The following MYH11 variants were observed in gnomAD, a reference collection of about 807,000 sequenced individuals.
MYH11 encodes the protein myosin heavy chain 11.
In MYH11, 80 loss-of-function variants were observed where a neutral mutation model predicts 246.6. The ratio of observed to expected loss-of-function variants is 0.32; its 90% CI spans 0.27 to 0.39. The LOEUF (loss-of-function observed/expected upper bound fraction) is 0.39. Among genes scored for constraint, MYH11 ranks in the 10% least tolerant of loss-of-function variants. The probability of loss-of-function intolerance (pLI) is 1.00; values close to 1 mark genes in which losing one functional copy is unlikely to be tolerated. For synonymous variants in MYH11, 1,071 were observed against 1,015.5 expected, an observed-to-expected ratio of 1.05 and a Z score of -1.04; for missense variants, 2,158 against 2,546.8, an observed-to-expected ratio of 0.85 and a Z score of 3.29.
intron 5 of MYH11, 165 bp from the exon 6 acceptor site, chr16:15,782,642 T>C: frequency 4.7e-6 from 3 of 639,096 alleles, no homozygotes; most frequent in Non-Finnish European, 8.5e-6. Context: ...CAGGAGGATT[T>C]CAGAAGAGAA....
intron 16 of MYH11, 58 bp from the exon 17 acceptor site, chr16:15,748,226 G>T: frequency 1.9e-6 from 3 of 1,607,992 alleles, no homozygotes; most frequent in Non-Finnish European, 1.7e-6. Context: ...GCGCAGCAAA[G>T]CCCCAAACCT....
At chr16:15,798,337 G>A (rs892902191) in intron 4 of MYH11, among the ~76,000 whole-genome samples, 1 of 152,136 alleles carries the variant, frequency 6.6e-6, no homozygotes, top group African/African-American at 2.4e-5. Context: ...ATAAGATTCT[G>A]CATATAAAAT....
At position 15,757,849 on chromosome 16, in the gene MYH11, C is replaced by A. The variant is rs1308058516; in HGVS notation, c.1553G>T (p.Cys518Phe). The change falls in exon 13 of 41, where the codon TGC becomes TTC. Residue 518 changes from cysteine (C) to phenylalanine (F), a missense_variant. Cys to Phe is a radical substitution (Grantham distance 205, BLOSUM62 -2). This residue lies in a region of MYH11 where 317 missense variants were observed against 507.7 expected (regional missense o/e 0.62). Transcript: ENST00000300036. Reference sequence around the variant, plus strand: ...CACCGGTCGCTCGATGAGCTCGATGCAGGGCTGTAGGTCCAGCCCAAAGTC... The same window carrying A: ...CACCGGTCGCTCGATGAGCTCGATGAAGGGCTGTAGGTCCAGCCCAAAGTC... ...FIDFGLDLQP[C>F]IELIERPNNP... is the part of the protein sequence containing the mutation. 6.2e-7 allele frequency: 1 copy of A among 1,614,084 alleles called. No homozygotes were observed. The highest frequency in any genetic ancestry group is 8.5e-7 in the Non-Finnish European group (1 of 1,180,042).
At chr16:15,838,362 T>C in intron 1 of MYH11, 93 bp from the exon 2 acceptor site, 1 of 964,746 alleles carries the variant, frequency 1.0e-6, no homozygotes, top group Non-Finnish European at 1.6e-6. Flanking sequence ...GAACTCGGTC[T>C]GCAGAGACAT....
chr16:15,771,984 C>T (rs558385486), intron 8 of MYH11, among the ~76,000 whole-genome samples: 1 of 151,436 alleles, frequency 6.6e-6, no homozygotes, highest in Admixed American at 6.6e-5. Context: ...CACGAAGTTA[C>T]ATTTACCTGG....
chr16:15,708,384 G>A (rs541945879), intron 40 of MYH11, among the ~76,000 whole-genome samples: 3 of 152,310 alleles, frequency 2.0e-5, no homozygotes, highest in Admixed American at 6.5e-5. Context: ...TGCCCAGATA[G>A]TGGAACTGTC....
At chr16:15,842,762 C>CAAAAAAAAAAAAAAAAAAAAAAAAAAA (rs757920488) in intron 1 of MYH11, among the ~76,000 whole-genome samples, 1 of 19,642 alleles carries the variant, frequency 5.1e-5, no homozygotes, top group African/African-American at 1.1e-4. Flanking sequence ...AGACTTCATC[C>CAAAAAAAAAAAAAAAAAAAAAAAAAAA]AAAAAAAAAA....
At chr16:15,840,676 G>A (rs1266682017) in intron 1 of MYH11, among the ~76,000 whole-genome samples, 1 of 152,170 alleles carries the variant, frequency 6.6e-6, no homozygotes, top group Non-Finnish European at 1.5e-5. Context: ...AGGCTGCAGT[G>A]AGTTGTAATC....
rs1275130204 is a variant in MYH11, at chr16:15,737,441, C to A, written c.3293+8G>T. ...CACACAGCAAATGCCCCTTGCCAGC[C>A]CCGCTACCTGGCCAGGGCCGCCTGC... On this transcript the variant is annotated splice_region_variant and intron_variant, in intron 25 of 40. Transcript: ENST00000300036. 1.9e-6 allele frequency: 3 copies of A among 1,611,062 alleles called. No individual in the cohort carries two copies. The highest frequency in any genetic ancestry group is 2.7e-5 in the African/African-American group (2 of 74,900).
Position 15,703,983 on chromosome 16 carries a change from A to G in MYH11, c.*8T>C. 3 of 1,613,860 alleles carry G rather than the reference A, an allele frequency of 1.9e-6. No homozygotes were observed. Among genetic ancestry groups the G allele is most frequent in the Non-Finnish European group, 2.5e-6 (3 of 1,179,984 alleles). ...TTCTTGCCGTGGTGCAAAACTGTAG[A>G]AAGTTGCTTATTCACTGGCCTTGGT... On this transcript the variant is annotated 3_prime_UTR_variant, in exon 41 of 41. Coordinates refer to ENST00000300036, the MANE Select transcript of MYH11 (RefSeq NM_002474.3).
Position 15,786,350 on chromosome 16 carries a change from G to T in MYH11, c.633+280C>A, listed in dbSNP as rs150423589. The stretch of plus-strand genomic sequence containing the variant: ...ATGACATCAGTGCCACCACTGAGAA[G>T]CCCCGACGTGGAGGAAGATCTCGCT... On this transcript the variant is annotated intron_variant, in intron 5 of 40. Coordinates refer to ENST00000300036, the MANE Select transcript of MYH11 (RefSeq NM_002474.3). 9.1e-4 allele frequency: 516 copies of T among 563,990 alleles called. 5 individuals carry two copies. Among genetic ancestry groups the T allele is most frequent in the African/African-American group, 8.6e-3 (463 of 53,758 alleles). 34.9% of individuals were successfully genotyped at this position (563,990 alleles called of 1,614,324 possible).
In MYH11 at chr16:15,709,121, T is replaced by C. The variant is rs116441038; in HGVS notation, c.5787-4998A>G. Among the ~76,000 whole-genome samples, 4,324 of 151,518 alleles carry C rather than the reference T, an allele frequency of 0.029. 90 individuals carry two copies. The highest frequency in any genetic ancestry group is 0.068 in the South Asian group (327 of 4,776). Reference sequence around the variant, plus strand: ...CGTGCTTGGCTAATTTTTGTATTTTTAGTACAGATGGGGTTGCACTATGTT... The same window carrying C: ...CGTGCTTGGCTAATTTTTGTATTTTCAGTACAGATGGGGTTGCACTATGTT... On this transcript the variant is annotated intron_variant, in intron 40 of 40. Coordinates refer to ENST00000300036, the MANE Select transcript of MYH11 (RefSeq NM_002474.3).
chr16:15,825,960 A>T (rs765530248), intron 2 of MYH11, among the ~76,000 whole-genome samples: 1 of 152,110 alleles, frequency 6.6e-6, no homozygotes, highest in Non-Finnish European at 1.5e-5. Flanking sequence ...AGAACCACAG[A>T]TCCATCTCTC....
chr16:15,714,542 T>G, intron 40 of MYH11: 1 of 380,762 alleles, frequency 2.6e-6, no homozygotes, highest in African/African-American at 2.1e-5. Context: ...AGGAAGGAGG[T>G]GAAGTGGCGG....
At chr16:15,748,909 A>G (rs1400166205) in intron 16 of MYH11, among the ~76,000 whole-genome samples, 2 of 152,096 alleles carry the variant, frequency 1.3e-5, no homozygotes, top group Non-Finnish European at 2.9e-5. Context: ...ATGAGCTAGC[A>G]TATGCCCAGC....
chr16:15,716,530 GTGTA>G (rs1394169182), intron 38 of MYH11, among the ~76,000 whole-genome samples: 1 of 148,884 alleles, frequency 6.7e-6, no homozygotes, highest in Non-Finnish European at 1.5e-5. Context: ...TTTTGTGTGT[GTGTA>G]TGTGTGTGGA....
chr16:15,720,652 T>G (rs916125139), intron 33 of MYH11, among the ~76,000 whole-genome samples, 187 bp downstream of exon 33: 3 of 151,490 alleles, frequency 2.0e-5, no homozygotes, highest in Non-Finnish European at 4.4e-5. Context: ...CTCGGGAGGC[T>G]GAGGCAGGAG....
intron 1 of MYH11, among the ~76,000 whole-genome samples, chr16:15,842,287 G>A (rs2044073008): frequency 6.6e-6 from 1 of 152,134 alleles, no homozygotes; most frequent in African/African-American, 2.4e-5. Context: ...TCGGGAGGCT[G>A]AGGCAGGAGA....
chr16:15,756,256 G>A (rs2041712309), intron 14 of MYH11, 85 bp downstream of exon 14: 1 of 1,487,062 alleles, frequency 6.7e-7, no homozygotes, highest in Non-Finnish European at 9.3e-7. Context: ...GCAGCCCAAG[G>A]TTCTGCCACT....
Sources: allele counts gnomAD v4.1 joint callset (sites outside exome capture counted in the v4.1 genomes callset), GRCh38; gene constraint gnomAD v4.1.1; regional missense constraint gnomAD v4.1.1; transcripts MANE v1.5; gene names NCBI Gene and HGNC (gene_info 2026-07-23, HGNC 2026-07-21).